FBXL7: variants seen among roughly 807,000 people sequenced by gnomAD.
FBXL7 encodes the protein F-box/LRR-repeat protein 7.
Under a neutral mutation model 38.3 loss-of-function variants are expected in FBXL7, and 12 were observed. The observed-to-expected ratio is 0.31, with a 90% CI of 0.20 to 0.51. The LOEUF is 0.51. Ranked by LOEUF, FBXL7 falls within the 20% of genes least tolerant of loss-of-function variation. The pLI is 0.98. For missense variants in FBXL7, 567 were observed against 676.4 expected (o/e 0.84, Z 1.79); for synonymous variants, 297 against 300.9 (o/e 0.99, Z 0.13).
chr5:15,640,879 C>A (rs901354536), intron 2 of FBXL7, among the ~76,000 whole-genome samples: 2 of 152,100 alleles, frequency 1.3e-5, no homozygotes, highest in Admixed American at 1.3e-4. Flanking sequence ...CATAAAAGAG[C>A]CTTGGGAGTT....
Position 15,903,076 on chromosome 5 carries a change from G to A in FBXL7, c.128-24814G>A, listed in dbSNP as rs73062491. Among the ~76,000 whole-genome samples the A allele has an allele frequency of 4.2e-3, 641 of 152,346 alleles. 6 individuals are homozygous for A. The highest frequency in any genetic ancestry group is 0.014 in the African/African-American group (601 of 41,580). On this transcript the variant is annotated intron_variant, in intron 2 of 3. Transcript: ENST00000504595. ...GCAGAAAAAAATCCACTGGGTTGAAGGCCAAGCAAGCCAAATGACTACATT... is the reference window on the plus strand; with the variant it reads ...GCAGAAAAAAATCCACTGGGTTGAAAGCCAAGCAAGCCAAATGACTACATT...
chr5:15,763,908 G>C lies in FBXL7; in HGVS notation c.127+147836G>C, dbSNP rs376604672. Among the ~76,000 whole-genome samples, 10 of 152,292 alleles carry C rather than the reference G, an allele frequency of 6.6e-5. No individual in the cohort carries two copies. The East Asian group carries it at 7.7e-4, about 12-fold the overall frequency. On this transcript the variant is annotated intron_variant, in intron 2 of 3. Transcript: ENST00000504595. ...GCAAGCTGCAGAGCCAGGAGCACTG[G>C]TGATGTAATTTAGTCTGAGTCAAAG...
intron 1 of FBXL7, among the ~76,000 whole-genome samples, chr5:15,555,827 T>C (rs1738212841): frequency 7.7e-6 from 1 of 129,658 alleles, no homozygotes; most frequent in Non-Finnish European, 1.6e-5. Flanking sequence ...AGATAGGTGA[T>C]AGATGAAAGA....
At chr5:15,797,254 T>C (rs1737439575) in intron 2 of FBXL7, among the ~76,000 whole-genome samples, 1 of 152,192 alleles carries the variant, frequency 6.6e-6, no homozygotes, top group African/African-American at 2.4e-5. Flanking sequence ...AGTCCCAACA[T>C]GCTTAACTAT....
At chr5:15,735,313 G>A (rs918570684) in intron 2 of FBXL7, among the ~76,000 whole-genome samples, 4 of 152,202 alleles carry the variant, frequency 2.6e-5, no homozygotes, top group Admixed American at 2.6e-4. Flanking sequence ...AGGTAGAGAA[G>A]AGAAGTGGAG....
At chr5:15,587,290 GGCTT>G (rs1739334927) in intron 1 of FBXL7, among the ~76,000 whole-genome samples, 1 of 151,988 alleles carries the variant, frequency 6.6e-6, no homozygotes. Flanking sequence ...GCCTAGAATG[GGCTT>G]GCTTCTTCAC....
Position 15,937,484 on chromosome 5 carries a change from T to A in FBXL7, c.*298T>A. On this transcript the variant is annotated 3_prime_UTR_variant, in exon 4 of 4. Coordinates refer to ENST00000504595, the MANE Select transcript of FBXL7 (RefSeq NM_012304.5). ...TCCTTGAGCAAGGCGCTTACTCTCC[T>A]CCGCTCAGGCCCCCAAGGCCGCCCT... 1 of 289,164 alleles carries A rather than the reference T, an allele frequency of 3.5e-6. No homozygotes were observed. The highest frequency in any genetic ancestry group is 6.5e-6 in the Non-Finnish European group (1 of 153,242). 17.9% of individuals were successfully genotyped at this position (289,164 alleles called of 1,614,324 possible).
chr5:15,815,882 T>C (rs1738000044), intron 2 of FBXL7, among the ~76,000 whole-genome samples: 2 of 152,172 alleles, frequency 1.3e-5, no homozygotes, highest in African/African-American at 4.8e-5. Context: ...TTTCAAACTG[T>C]CTGGAAAGAG....
chr5:15,562,998 T>C (rs936753438), intron 1 of FBXL7, among the ~76,000 whole-genome samples: 3 of 152,038 alleles, frequency 2.0e-5, no homozygotes, highest in African/African-American at 7.2e-5. Context: ...TTAGAAAGGA[T>C]GGTTGGGGAA....
chr5:15,918,181 A>T (rs939619828), intron 2 of FBXL7, among the ~76,000 whole-genome samples: 1 of 151,790 alleles, frequency 6.6e-6, no homozygotes, highest in Non-Finnish European at 1.5e-5. Context: ...AGAGGTTGCA[A>T]TGAGCTGAGA....
Position 15,852,118 on chromosome 5 carries a change from G to C in FBXL7, c.128-75772G>C, listed in dbSNP as rs140704768. Among the ~76,000 whole-genome samples the C allele has an allele frequency of 2.3e-3, 348 of 152,216 alleles. 2 individuals carry two copies. The highest frequency in any genetic ancestry group is 7.9e-3 in the African/African-American group (329 of 41,538). ...GTGAAAAGTCCTTCAGTACATGCTA[G>C]ATCATAGCTGACTTGCACTATCCTT... On this transcript the variant is annotated intron_variant, in intron 2 of 3. Transcript: ENST00000504595.
At chr5:15,707,183 T>G (rs1177821421) in intron 2 of FBXL7, among the ~76,000 whole-genome samples, 1 of 140,252 alleles carries the variant, frequency 7.1e-6, no homozygotes, top group African/African-American at 2.7e-5. Context: ...CGTTTTTTTT[T>G]TTTTTTTTTT....
chr5:15,903,509 T>C (rs905845345), intron 2 of FBXL7, among the ~76,000 whole-genome samples: 4 of 152,210 alleles, frequency 2.6e-5, no homozygotes, highest in African/African-American at 9.6e-5. Flanking sequence ...AAACCCACAA[T>C]TTATTCCAAC....
At chr5:15,501,574 C>A (rs755846850) in intron 1 of FBXL7, 10 of 985,510 alleles carry the variant, frequency 1.0e-5, no homozygotes, top group Non-Finnish European at 1.2e-5. Flanking sequence ...GAGACCGGGT[C>A]AGTTTTACAG....
chr5:15,863,217 G>C (rs1243838783), intron 2 of FBXL7, among the ~76,000 whole-genome samples: 3 of 152,142 alleles, frequency 2.0e-5, no homozygotes, highest in Admixed American at 2.0e-4. Flanking sequence ...AAAACCCAAG[G>C]ATGGAAAGCG....
chr5:15,901,828 G>T (rs1741241089), intron 2 of FBXL7, among the ~76,000 whole-genome samples: 1 of 152,206 alleles, frequency 6.6e-6, no homozygotes, highest in Admixed American at 6.5e-5. Context: ...TGATTGCCGT[G>T]TCTTGCTGTA....
intron 2 of FBXL7, among the ~76,000 whole-genome samples, chr5:15,764,400 C>A (rs1736530715): frequency 2.0e-5 from 3 of 152,092 alleles, no homozygotes; most frequent in Non-Finnish European, 4.4e-5. Context: ...ATGAGTGTCA[C>A]CTTTTGGCTA....
chr5:15,783,277 C>A (rs899844236), intron 2 of FBXL7, among the ~76,000 whole-genome samples: 4 of 152,072 alleles, frequency 2.6e-5, no homozygotes, highest in Non-Finnish European at 4.4e-5. Flanking sequence ...TCATAATTTC[C>A]GGCAAGTGCA....
intron 2 of FBXL7, among the ~76,000 whole-genome samples, chr5:15,756,257 CATG>C (rs1198383934): frequency 8.6e-5 from 13 of 151,996 alleles, no homozygotes; most frequent in African/African-American, 2.9e-4. Flanking sequence ...AAACTTTATA[CATG>C]ATATTTAACA....
Sources: gnomAD v4.1 joint callset for allele counts (sites outside exome capture counted in the v4.1 genomes callset) on GRCh38, gnomAD v4.1.1 for gene constraint, MANE v1.5 for transcripts, NCBI Gene and HGNC (gene_info 2026-07-23, HGNC 2026-07-21) for gene names.